Variants in RSBN1L observed in about 807,000 individuals in gnomAD.
RSBN1L encodes the protein round spermatid basic protein 1 like, also known as lysine-specific demethylase RSBN1L.
A neutral mutation model predicts 67.7 loss-of-function variants in RSBN1L; 30 were observed. The ratio of observed to expected loss-of-function variants is 0.44; its 90% CI spans 0.33 to 0.60. RSBN1L has a LOEUF of 0.60. Among genes scored for constraint, RSBN1L ranks in the 20% least tolerant of loss-of-function variants. The pLI is 0.02. For missense variants in RSBN1L, 992 were observed against 1,031.7 expected (o/e 0.96, Z 0.53); for synonymous variants, 433 against 387.0 (o/e 1.12, Z -1.39).
chr7:77,763,149 C>CTTTTTTTTTTTT (rs11440608), intron 3 of RSBN1L, among the ~76,000 whole-genome samples: 1 of 126,942 alleles, frequency 7.9e-6, no homozygotes, highest in Non-Finnish European at 1.6e-5. Context: ...TATAATTTGA[C>CTTTTTTTTTTTT]TTTTTTTTTT....
intron 1 of RSBN1L, among the ~76,000 whole-genome samples, chr7:77,719,961 C>T (rs1239434323): frequency 2.6e-5 from 4 of 152,074 alleles, no homozygotes; most frequent in Admixed American, 6.6e-5. Context: ...GAAAGGGTCT[C>T]GCCATATTGT....
chr7:77,757,176 A>G (rs576450365), intron 3 of RSBN1L, among the ~76,000 whole-genome samples: 79 of 152,356 alleles, frequency 5.2e-4, no homozygotes, highest in Admixed American at 2.6e-3. Flanking sequence ...CTGTAATAGT[A>G]TCTTGTAGCT....
chr7:77,749,935 T>C lies in RSBN1L; in HGVS notation c.1215T>C (p.His405=), dbSNP rs1228594526. The C allele has an allele frequency of 1.2e-6, 2 of 1,614,182 alleles. No homozygotes were observed. The highest frequency in any genetic ancestry group is 1.1e-5 in the South Asian group (1 of 91,080). Residue 405 remains histidine (H), a synonymous_variant, in exon 3 of 8, where the codon CAT becomes CAC. Transcript: ENST00000334955. ...CTTTCTACGTGATGGGTATTGTTCA[T>C]GGGGCAGCTACTTATTTACCTGACT... ...SAAFYVMGIV[H]GAATYLPDFL... is the part of the protein sequence containing the mutation.
At chr7:77,699,175 C>A (rs1790780535) in intron 1 of RSBN1L, among the ~76,000 whole-genome samples, 1 of 151,962 alleles carries the variant, frequency 6.6e-6, no homozygotes, top group East Asian at 1.9e-4. Context: ...TTAGTGTTGC[C>A]CTAAGTTGGC....
chr7:77,751,220 A>G (rs1347307283), intron 3 of RSBN1L, among the ~76,000 whole-genome samples: 5 of 152,018 alleles, frequency 3.3e-5, no homozygotes, highest in Admixed American at 1.3e-4. Flanking sequence ...GCTCACTGCA[A>G]CCTCTGCCTT....
At chr7:77,757,962 C>T (rs1791641696) in intron 3 of RSBN1L, among the ~76,000 whole-genome samples, 1 of 151,492 alleles carries the variant, frequency 6.6e-6, no homozygotes, top group Admixed American at 6.6e-5. Context: ...GTTATTTATT[C>T]ATTTTACTTT....
intron 6 of RSBN1L, among the ~76,000 whole-genome samples, chr7:77,774,097 TTC>T (rs1791881003): frequency 6.6e-6 from 1 of 152,238 alleles, no homozygotes; most frequent in South Asian, 2.1e-4. Context: ...GCTGTACCCT[TTC>T]TGAGGTTTGG....
At chr7:77,735,438 C>A (rs1791321547) in intron 1 of RSBN1L, among the ~76,000 whole-genome samples, 1 of 152,086 alleles carries the variant, frequency 6.6e-6, no homozygotes, top group Non-Finnish European at 1.5e-5. Flanking sequence ...TTTACCAATT[C>A]AGATTTAGAT....
chr7:77,748,588 A>G (rs565371700), intron 2 of RSBN1L, among the ~76,000 whole-genome samples: 1 of 152,058 alleles, frequency 6.6e-6, no homozygotes, highest in African/African-American at 2.4e-5. Context: ...CAGTTCAAGC[A>G]ATTCTCCTGC....
At chr7:77,733,922 T>A (rs1248798022) in intron 1 of RSBN1L, among the ~76,000 whole-genome samples, 1 of 151,956 alleles carries the variant, frequency 6.6e-6, no homozygotes, top group Non-Finnish European at 1.5e-5. Context: ...AGGTTAGGAG[T>A]TCGAGACCAG....
chr7:77,775,300 C>T (rs964971205), intron 6 of RSBN1L, among the ~76,000 whole-genome samples: 5 of 151,994 alleles, frequency 3.3e-5, no homozygotes, highest in Non-Finnish European at 7.4e-5. Flanking sequence ...TTTTGGAGGC[C>T]GAGGTGGGTA....
At chr7:77,734,277 ATAT>A (rs1562800320) in intron 1 of RSBN1L, among the ~76,000 whole-genome samples, 1 of 152,170 alleles carries the variant, frequency 6.6e-6, no homozygotes, top group Non-Finnish European at 1.5e-5. Context: ...TATTACATTA[ATAT>A]TATACTTTAA....
At chr7:77,698,417 C>T (rs1479293154) in intron 1 of RSBN1L, among the ~76,000 whole-genome samples, 6 of 152,174 alleles carry the variant, frequency 3.9e-5, no homozygotes, top group African/African-American at 1.4e-4. Context: ...GAAGTTTGTC[C>T]ATATGCAGCT....
intron 3 of RSBN1L, among the ~76,000 whole-genome samples, chr7:77,752,273 C>T (rs942676209): frequency 3.9e-5 from 6 of 152,158 alleles, no homozygotes; most frequent in African/African-American, 1.2e-4. Flanking sequence ...GGTTCTGGCC[C>T]CATATCTGTG....
chr7:77,761,106 C>T (rs185142726), intron 3 of RSBN1L, among the ~76,000 whole-genome samples: 10 of 152,238 alleles, frequency 6.6e-5, no homozygotes, highest in South Asian at 4.1e-4. Context: ...TTAATGGAAA[C>T]GTAGTTTTAA....
At chr7:77,734,883 G>C (rs1291793419) in intron 1 of RSBN1L, among the ~76,000 whole-genome samples, 1 of 152,018 alleles carries the variant, frequency 6.6e-6, no homozygotes, top group Non-Finnish European at 1.5e-5. Context: ...CAGAAGTGTG[G>C]GAACACTGTA....
At chr7:77,720,586 A>AT (rs1300691261) in intron 1 of RSBN1L, among the ~76,000 whole-genome samples, 4 of 152,106 alleles carry the variant, frequency 2.6e-5, no homozygotes, top group Non-Finnish European at 5.9e-5. Context: ...GACAAGTGTT[A>AT]TTATCTATAC....
chr7:77,721,363 A>C (rs1270437767), intron 1 of RSBN1L, among the ~76,000 whole-genome samples: 1 of 152,174 alleles, frequency 6.6e-6, no homozygotes, highest in Non-Finnish European at 1.5e-5. Flanking sequence ...CTTATATGCA[A>C]AGCACCATTC....
At chr7:77,731,586 C>CT in intron 1 of RSBN1L, among the ~76,000 whole-genome samples, 1 of 152,096 alleles carries the variant, frequency 6.6e-6, no homozygotes. Flanking sequence ...AAAGAGTTAC[C>CT]TTTTTTTGGA....
Sources: gnomAD v4.1 joint callset for allele counts (sites outside exome capture counted in the v4.1 genomes callset) on GRCh38, gnomAD v4.1.1 for gene constraint, MANE v1.5 for transcripts, NCBI Gene and HGNC (gene_info 2026-07-23, HGNC 2026-07-21) for gene names.